PDE4B: variants seen among roughly 807,000 people sequenced by gnomAD.
PDE4B encodes the protein 3',5'-cyclic-AMP phosphodiesterase 4B.
In PDE4B, 20 loss-of-function variants were observed where a neutral mutation model predicts 82.2. The observed-to-expected ratio is 0.24, with a 90% CI of 0.17 to 0.35. The LOEUF is 0.35. PDE4B is among the 10% of genes least tolerant of loss of function. The pLI is 1.00. For missense variants in PDE4B, 655 were observed against 907.2 expected, an observed-to-expected ratio of 0.72 and a Z score of 3.57; for synonymous variants, 320 against 318.9, an observed-to-expected ratio of 1.00 and a Z score of -0.04.
intron 1 of PDE4B, among the ~76,000 whole-genome samples, chr1:65,828,448 G>A (rs1646043979): frequency 6.6e-6 from 1 of 152,014 alleles, no homozygotes; most frequent in Non-Finnish European, 1.5e-5. Flanking sequence ...GTTTCACCAT[G>A]TTGGCCAGGC....
chr1:66,250,804 T>C (rs1220969684), intron 4 of PDE4B, among the ~76,000 whole-genome samples: 1 of 152,138 alleles, frequency 6.6e-6, no homozygotes, highest in African/African-American at 2.4e-5. Context: ...CAGAATGGAG[T>C]TTTGATTATC....
intron 3 of PDE4B, among the ~76,000 whole-genome samples, chr1:66,167,956 G>A (rs1428432482): frequency 6.6e-6 from 1 of 152,090 alleles, no homozygotes; most frequent in Non-Finnish European, 1.5e-5. Context: ...TCTCTTTTCT[G>A]TTCAGTCCTT....
intron 3 of PDE4B, among the ~76,000 whole-genome samples, chr1:65,920,939 A>G (rs1018595725): frequency 9.3e-5 from 14 of 150,604 alleles, no homozygotes; most frequent in African/African-American, 3.4e-4. Flanking sequence ...ATTTTAAAAC[A>G]TAAGTAACTA....
At chr1:66,257,722 C>T in intron 5 of PDE4B, 39 bp downstream of exon 5, 1 of 1,611,088 alleles carries the variant, frequency 6.2e-7, no homozygotes, top group Non-Finnish European at 8.5e-7. Flanking sequence ...TTCACTGTCG[C>T]TGGTTTCTAA....
chr1:66,297,414 C>T (rs1043026670), intron 7 of PDE4B, among the ~76,000 whole-genome samples: 10 of 152,028 alleles, frequency 6.6e-5, no homozygotes, highest in Non-Finnish European at 1.0e-4. Flanking sequence ...GACATCCCTA[C>T]GTACTATATT....
At chr1:65,832,705 A>T (rs1646096258) in intron 1 of PDE4B, among the ~76,000 whole-genome samples, 1 of 152,216 alleles carries the variant, frequency 6.6e-6, no homozygotes, top group South Asian at 2.1e-4. Flanking sequence ...GGTAGGATAG[A>T]AGTCAACTTT....
At chr1:65,874,520 G>A (rs1338143235) in intron 1 of PDE4B, among the ~76,000 whole-genome samples, 1 of 152,126 alleles carries the variant, frequency 6.6e-6, no homozygotes, top group Admixed American at 6.6e-5. Flanking sequence ...AAAGCTGGAG[G>A]CATCACACTA....
intron 3 of PDE4B, among the ~76,000 whole-genome samples, chr1:65,927,485 A>G (rs946712706): frequency 6.8e-6 from 1 of 147,656 alleles, no homozygotes; most frequent in South Asian, 2.1e-4. Flanking sequence ...GTAAATATAT[A>G]TAATATGTAT....
At chr1:66,013,367 A>G (rs771303506) in intron 3 of PDE4B, among the ~76,000 whole-genome samples, 24 of 152,098 alleles carry the variant, frequency 1.6e-4, no homozygotes, top group Non-Finnish European at 2.8e-4. Context: ...AGGATAACCT[A>G]TATTTAAGGC....
intron 3 of PDE4B, among the ~76,000 whole-genome samples, chr1:66,197,721 A>G (rs1199086391): frequency 6.6e-6 from 1 of 152,158 alleles, no homozygotes; most frequent in Non-Finnish European, 1.5e-5. Flanking sequence ...AAATAAATAA[A>G]CTTATTTAAG....
intron 1 of PDE4B, among the ~76,000 whole-genome samples, chr1:65,891,947 A>G (rs1314615916): frequency 6.6e-6 from 1 of 152,094 alleles, no homozygotes; most frequent in African/African-American, 2.4e-5. Flanking sequence ...GGCCCATGTG[A>G]TCTGATAATC....
At chr1:66,273,318 C>T (rs1655645294) in intron 7 of PDE4B, among the ~76,000 whole-genome samples, 1 of 152,246 alleles carries the variant, frequency 6.6e-6, no homozygotes, top group Non-Finnish European at 1.5e-5. Flanking sequence ...TACCTGGTTG[C>T]CTTTTCTCCA....
chr1:66,300,290 C>T (rs144497664), intron 7 of PDE4B, among the ~76,000 whole-genome samples: 9 of 152,226 alleles, frequency 5.9e-5, no homozygotes, highest in African/African-American at 7.2e-5. Flanking sequence ...TCTGGCACCT[C>T]GTCAGGACTC....
At chr1:66,052,418 A>G (rs903758254) in intron 3 of PDE4B, among the ~76,000 whole-genome samples, 2 of 152,162 alleles carry the variant, frequency 1.3e-5, no homozygotes, top group Non-Finnish European at 2.9e-5. Context: ...AGGAGACCCT[A>G]GAGATCGCAT....
chr1:66,175,593 A>G (rs60805831), intron 3 of PDE4B, among the ~76,000 whole-genome samples: 14,000 of 152,162 alleles, frequency 0.092, 1,419 homozygotes, highest in African/African-American at 0.24. Context: ...AAGACTTTAA[A>G]AAAAGTATTC....
intron 3 of PDE4B, among the ~76,000 whole-genome samples, chr1:65,924,076 A>ATTTTTTTTTTTTTT (rs1647357789): frequency 6.8e-5 from 1 of 14,620 alleles, no homozygotes; most frequent in South Asian, 0.011. Flanking sequence ...CCAGTTTGCT[A>ATTTTTTTTTTTTTT]ATTTTTTTTT....
intron 3 of PDE4B, among the ~76,000 whole-genome samples, chr1:66,127,326 T>C (rs2101097887): frequency 6.6e-6 from 1 of 152,272 alleles, no homozygotes; most frequent in African/African-American, 2.4e-5. Flanking sequence ...AAGTTTAAAC[T>C]ATTTTCAAAA....
At chr1:66,219,109 A>G (rs1463420240) in intron 3 of PDE4B, among the ~76,000 whole-genome samples, 1 of 152,182 alleles carries the variant, frequency 6.6e-6, no homozygotes, top group East Asian at 1.9e-4. Flanking sequence ...TATAATGGAG[A>G]GCTTAGCCAT....
intron 1 of PDE4B, among the ~76,000 whole-genome samples, chr1:65,853,530 CTT>C (rs145185072): frequency 2.3e-4 from 33 of 144,876 alleles, no homozygotes; most frequent in Admixed American, 1.6e-3. Flanking sequence ...CATTATAACC[CTT>C]TTTTTTTTTT....
Sources: gnomAD v4.1 joint callset for allele counts (sites outside exome capture counted in the v4.1 genomes callset) on GRCh38, gnomAD v4.1.1 for gene constraint, MANE v1.5 for transcripts, NCBI Gene and HGNC (gene_info 2026-07-23, HGNC 2026-07-21) for gene names.